STPG2: variants seen among roughly 807,000 people sequenced by gnomAD.
STPG2 encodes sperm-tail PG-rich repeat-containing protein 2.
In STPG2, 56 loss-of-function variants were observed where a neutral mutation model predicts 54.2. The observed-to-expected ratio is 1.03, with a 90% CI of 0.83 to 1.29. The LOEUF (loss-of-function observed/expected upper bound fraction) is 1.29. Ranked by LOEUF, STPG2 falls within the 50% of genes most tolerant of loss-of-function variation. The pLI is 0.00. For missense variants in STPG2, 596 were observed against 544.9 expected, an observed-to-expected ratio of 1.09 and a Z score of -0.93; for synonymous variants, 200 against 181.8, an observed-to-expected ratio of 1.10 and a Z score of -0.81.
chr4:97,495,710 C>CAAAAAAAAAAAAAAAAAAA (rs35288994), intron 4 of STPG2, among the ~76,000 whole-genome samples: 4 of 117,798 alleles, frequency 3.4e-5, no homozygotes, highest in Non-Finnish European at 7.2e-5. Flanking sequence ...ATGGTCAAGA[C>CAAAAAAAAAAAAAAAAAAA]AAAAAAAAAA....
chr4:97,644,961 A>G (rs1186489932), intron 10 of STPG2, among the ~76,000 whole-genome samples: 1 of 152,046 alleles, frequency 6.6e-6, no homozygotes, highest in Non-Finnish European at 1.5e-5. Context: ...CATGCTCAAA[A>G]TTGGATAAAG....
intron 10 of STPG2, among the ~76,000 whole-genome samples, chr4:97,616,092 A>ATATATATATATATATATATATATATATG: frequency 3.2e-5 from 2 of 63,288 alleles, no homozygotes; most frequent in Non-Finnish European, 7.0e-5. Context: ...ATATATATAT[A>ATATATATATATATATATATATATATATG]TATGTATGTA....
At chr4:97,864,079 T>G (rs918958684) in intron 8 of STPG2, among the ~76,000 whole-genome samples, 1 of 152,118 alleles carries the variant, frequency 6.6e-6, no homozygotes, top group African/African-American at 2.4e-5. Context: ...TTCAACATAG[T>G]GTTGGAAGTT....
Position 97,495,159 on chromosome 4 carries a change from G to A in STPG2, c.462+217540C>T, listed in dbSNP as rs112090370. ...CAAATGAATTGTGACAGAACATATA[G>A]TTCTTCTGGTTGAGTCCTTTTCATT... On this transcript the variant is annotated intron_variant, in intron 4 of 4. Transcript: ENST00000522676. 2.0e-3 allele frequency among the ~76,000 whole-genome samples: 309 copies of A among 151,320 alleles called. 1 individual carries two copies. The highest frequency in any genetic ancestry group is 6.5e-3 in the African/African-American group (268 of 41,402).
intron 10 of STPG2, among the ~76,000 whole-genome samples, chr4:97,634,744 T>C (rs547508570): frequency 1.3e-5 from 2 of 151,676 alleles, no homozygotes; most frequent in Non-Finnish European, 2.9e-5. Flanking sequence ...GTATCAGCAA[T>C]GGAAGATGAA....
intron 8 of STPG2, among the ~76,000 whole-genome samples, chr4:97,905,899 C>T (rs1208290378): frequency 6.6e-6 from 1 of 151,714 alleles, no homozygotes; most frequent in African/African-American, 2.4e-5. Flanking sequence ...AACTAAATGC[C>T]CACAAGAGAA....
At position 97,857,170 on chromosome 4, in the gene STPG2, C is replaced by A. The variant is rs564037527; in HGVS notation, c.1045-16238G>T. ...TTTGATATCAGGATGGTTCTGGCCT[C>A]AAAGAATGAGTTAGACAGGAGTCTC... On this transcript the variant is annotated intron_variant, in intron 8 of 10. Coordinates refer to ENST00000295268, the MANE Select transcript of STPG2 (RefSeq NM_174952.3). Among the ~76,000 whole-genome samples the A allele has an allele frequency of 1.4e-4, 21 of 152,254 alleles. No individual in the cohort carries two copies. In the South Asian group the frequency reaches 3.9e-3, roughly 29 times the overall value.
chr4:97,895,881 T>C (rs1310186558), intron 8 of STPG2, among the ~76,000 whole-genome samples: 1 of 151,808 alleles, frequency 6.6e-6, no homozygotes, highest in East Asian at 1.9e-4. Context: ...TCCCCAGAAA[T>C]TATTTAAGTG....
intron 4 of STPG2, among the ~76,000 whole-genome samples, chr4:97,477,226 T>C (rs1240372848): frequency 6.6e-6 from 1 of 152,194 alleles, no homozygotes; most frequent in African/African-American, 2.4e-5. Flanking sequence ...TAACTGTCAT[T>C]ATTTCTATTA....
intron 7 of STPG2, 81 bp from the exon 8 acceptor site, chr4:97,944,088 G>A: frequency 4.4e-6 from 4 of 907,068 alleles, no homozygotes; most frequent in Non-Finnish European, 7.0e-6. Flanking sequence ...AGTTTGCAAT[G>A]AAGTTCATCA....
chr4:97,781,733 C>T (rs547507638), intron 9 of STPG2, among the ~76,000 whole-genome samples: 2 of 152,188 alleles, frequency 1.3e-5, no homozygotes, highest in East Asian at 1.9e-4. Context: ...GCTTATCCAC[C>T]ATGATCAAGT....
At chr4:97,679,710 G>A (rs1373833948) in intron 10 of STPG2, among the ~76,000 whole-genome samples, 1 of 152,160 alleles carries the variant, frequency 6.6e-6, no homozygotes, top group African/African-American at 2.4e-5. Context: ...CCATGCCTAT[G>A]TCCTGATTGG....
At chr4:97,660,034 G>C (rs937014590) in intron 10 of STPG2, among the ~76,000 whole-genome samples, 2 of 147,446 alleles carry the variant, frequency 1.4e-5, no homozygotes, top group Admixed American at 6.9e-5. Context: ...ACGGAGTCTC[G>C]CTCTGTCGCC....
intron 9 of STPG2, among the ~76,000 whole-genome samples, chr4:97,782,293 C>T (rs966776521): frequency 2.0e-5 from 3 of 152,138 alleles, no homozygotes; most frequent in Non-Finnish European, 4.4e-5. Flanking sequence ...CAATAACAGA[C>T]AGAGAGCCAT....
chr4:97,682,657 A>AAATTTT (rs1163076695), intron 10 of STPG2, among the ~76,000 whole-genome samples: 3 of 151,926 alleles, frequency 2.0e-5, no homozygotes, highest in African/African-American at 7.2e-5. Flanking sequence ...TTGACTTGGT[A>AAATTTT]AATTTTAACA....
intron 5 of STPG2, among the ~76,000 whole-genome samples, chr4:98,094,374 C>T (rs1341664933): frequency 6.6e-6 from 1 of 152,064 alleles, no homozygotes; most frequent in Non-Finnish European, 1.5e-5. Flanking sequence ...GGGAGTTTGC[C>T]TTGTGCCTTG....
At chr4:97,704,584 T>C (rs1036911401) in intron 10 of STPG2, among the ~76,000 whole-genome samples, 2 of 152,218 alleles carry the variant, frequency 1.3e-5, no homozygotes, top group Non-Finnish European at 2.9e-5. Context: ...GTCAAAGACC[T>C]TTTTAGAATG....
chr4:97,547,516 A>C (rs2148865638), intron 4 of STPG2, among the ~76,000 whole-genome samples: 1 of 152,232 alleles, frequency 6.6e-6, no homozygotes, highest in East Asian at 1.9e-4. Context: ...GGCCTTTTAA[A>C]TGGCTTTAAA....
intron 5 of STPG2, among the ~76,000 whole-genome samples, chr4:98,062,729 G>T (rs1323954803): frequency 6.6e-6 from 1 of 151,980 alleles, no homozygotes; most frequent in Non-Finnish European, 1.5e-5. Flanking sequence ...ATTAAAAGAA[G>T]ATGATGGTAA....
Sources: gnomAD v4.1 joint callset for allele counts (sites outside exome capture counted in the v4.1 genomes callset) on GRCh38, gnomAD v4.1.1 for gene constraint, MANE v1.5 for transcripts, NCBI Gene and HGNC (gene_info 2026-07-23, HGNC 2026-07-21) for gene names.